Variants in RANBP17 observed in about 807,000 individuals in gnomAD.
RANBP17 encodes the protein RAN binding protein 17, also known as ran-binding protein 17.
In RANBP17, 158 loss-of-function variants were observed where a neutral mutation model predicts 141.2. That is an observed-to-expected ratio of 1.12 (90% CI 0.98 to 1.28). RANBP17 has a LOEUF of 1.28. Ranked by LOEUF, RANBP17 falls within the 50% of genes most tolerant of loss-of-function variation. The pLI, the probability that RANBP17 is intolerant of heterozygous loss-of-function variation, is 0.00. For synonymous variants in RANBP17, 430 were observed against 450.0 expected, an observed-to-expected ratio of 0.96 and a Z score of 0.56; for missense variants, 1,438 against 1,290.7, an observed-to-expected ratio of 1.11 and a Z score of -1.75.
At chr5:171,159,912 C>A (rs1446929160) in intron 14 of RANBP17, among the ~76,000 whole-genome samples, 10 of 101,654 alleles carry the variant, frequency 9.8e-5, no homozygotes, top group Non-Finnish European at 1.6e-4. Context: ...AGTGAGACTC[C>A]ATCTCAAAAA....
intron 14 of RANBP17, among the ~76,000 whole-genome samples, chr5:171,080,347 A>G (rs1785192882): frequency 6.6e-6 from 1 of 152,120 alleles, no homozygotes; most frequent in African/African-American, 2.4e-5. Flanking sequence ...ATAAAGGACA[A>G]AGTGCTCTGA....
At chr5:171,292,366 T>C (rs1310567754) in intron 25 of RANBP17, among the ~76,000 whole-genome samples, 1 of 152,262 alleles carries the variant, frequency 6.6e-6, no homozygotes, top group African/African-American at 2.4e-5. Context: ...TTTTACTCTT[T>C]GCAATGCATT....
At chr5:171,187,050 GTAACTCTTCCTTTCACGTGAA>G (rs1381938982) in intron 18 of RANBP17, among the ~76,000 whole-genome samples, 1 of 152,154 alleles carries the variant, frequency 6.6e-6, no homozygotes, top group Admixed American at 6.6e-5. Flanking sequence ...TGAGAGACGT[GTAACTCTTCCTTTCACGTGAA>G]TACTTGGAGG....
At chr5:170,917,601 T>C (rs1048026845) in intron 9 of RANBP17, among the ~76,000 whole-genome samples, 2 of 152,222 alleles carry the variant, frequency 1.3e-5, no homozygotes, top group African/African-American at 4.8e-5. Flanking sequence ...TGTTTTTGCA[T>C]ATTCTCAGAA....
At chr5:170,925,115 T>A (rs1772810902) in intron 12 of RANBP17, among the ~76,000 whole-genome samples, 1 of 152,188 alleles carries the variant, frequency 6.6e-6, no homozygotes, top group Admixed American at 6.5e-5. Flanking sequence ...TAAGATGCAC[T>A]ACAGGAATGG....
At chr5:171,027,565 A>G (rs1781303996) in intron 14 of RANBP17, among the ~76,000 whole-genome samples, 1 of 152,020 alleles carries the variant, frequency 6.6e-6, no homozygotes, top group Non-Finnish European at 1.5e-5. Context: ...GCTGTAAAGC[A>G]TTTGAACTAG....
At chr5:171,205,678 G>A (rs557711210) in intron 20 of RANBP17, 66 bp downstream of exon 20, 17 of 1,265,718 alleles carry the variant, frequency 1.3e-5, no homozygotes, top group East Asian at 4.6e-5. Context: ...CCTCGCTTTC[G>A]TTTAATAGTA....
chr5:170,959,995 A>G (rs1401996503), intron 13 of RANBP17, among the ~76,000 whole-genome samples: 1 of 152,214 alleles, frequency 6.6e-6, no homozygotes, highest in Non-Finnish European at 1.5e-5. Flanking sequence ...GTCTGTACTC[A>G]GATGTCTTTT....
At chr5:170,864,863 C>T (rs932216107) in intron 1 of RANBP17, among the ~76,000 whole-genome samples, 2 of 152,190 alleles carry the variant, frequency 1.3e-5, no homozygotes, top group Admixed American at 6.5e-5. Context: ...AATGACCATT[C>T]TGGCAGTGTG....
chr5:171,129,290 T>C (rs1454704399), intron 14 of RANBP17, among the ~76,000 whole-genome samples: 1 of 122,070 alleles, frequency 8.2e-6, no homozygotes, highest in Non-Finnish European at 1.8e-5. Context: ...AAACAATTTA[T>C]AGCAATTCTT....
chr5:170,865,724 C>G lies in RANBP17; in HGVS notation c.18+3673C>G, dbSNP rs533217028. On this transcript the variant is annotated intron_variant, in intron 1 of 27. Transcript: ENST00000523189. ...AGAGGGCAGAGTCCACAAGACTGCC[C>G]TTTCTTCTCAGACCAAGTGCAAGTT... 3.3e-5 allele frequency among the ~76,000 whole-genome samples: 5 copies of G among 152,290 alleles called. No homozygotes were observed. In the South Asian group the frequency reaches 8.3e-4, roughly 25 times the overall value.
intron 3 of RANBP17, among the ~76,000 whole-genome samples, chr5:170,891,884 G>C (rs1348645552): frequency 2.6e-5 from 4 of 152,150 alleles, no homozygotes; most frequent in Admixed American, 1.3e-4. Flanking sequence ...TTTTTTGGTA[G>C]ATAAAATCAT....
At chr5:170,900,832 G>A (rs1770575797) in intron 5 of RANBP17, among the ~76,000 whole-genome samples, 1 of 152,190 alleles carries the variant, frequency 6.6e-6, no homozygotes, top group Non-Finnish European at 1.5e-5. Context: ...TTTTGAGTGA[G>A]TTTCTTAATC....
At chr5:171,001,216 G>A in intron 14 of RANBP17, among the ~76,000 whole-genome samples, 1 of 152,094 alleles carries the variant, frequency 6.6e-6, no homozygotes, top group Admixed American at 6.6e-5. Context: ...GAAAGATTTT[G>A]GGGTAAGGGG....
intron 14 of RANBP17, among the ~76,000 whole-genome samples, chr5:171,089,544 G>A (rs991763699): frequency 3.9e-5 from 6 of 152,058 alleles, no homozygotes; most frequent in Non-Finnish European, 4.4e-5. Flanking sequence ...AATGGCGGGC[G>A]CCCCTCCCCC....
chr5:171,013,125 T>C (rs1780180388), intron 14 of RANBP17, among the ~76,000 whole-genome samples: 1 of 152,234 alleles, frequency 6.6e-6, no homozygotes, highest in Admixed American at 6.5e-5. Flanking sequence ...GCAATAATAC[T>C]GATGCACATT....
chr5:171,179,743 G>A (rs911007794), intron 16 of RANBP17, among the ~76,000 whole-genome samples: 5 of 151,866 alleles, frequency 3.3e-5, no homozygotes, highest in Non-Finnish European at 7.4e-5. Flanking sequence ...TTTCTTAGTA[G>A]TACATATTAT....
intron 14 of RANBP17, among the ~76,000 whole-genome samples, chr5:170,991,634 C>A (rs1178203586): frequency 1.3e-5 from 2 of 151,972 alleles, no homozygotes; most frequent in Non-Finnish European, 2.9e-5. Flanking sequence ...AACTAGCTCT[C>A]ACTACCCCTG....
intron 24 of RANBP17, among the ~76,000 whole-genome samples, chr5:171,244,008 C>T (rs1765051421): frequency 6.6e-6 from 1 of 152,028 alleles, no homozygotes; most frequent in Non-Finnish European, 1.5e-5. Flanking sequence ...CACCCAGATG[C>T]ACCCAGGAGG....
Sources: gnomAD v4.1 joint callset for allele counts (sites outside exome capture counted in the v4.1 genomes callset) on GRCh38, gnomAD v4.1.1 for gene constraint, MANE v1.5 for transcripts, NCBI Gene and HGNC (gene_info 2026-07-23, HGNC 2026-07-21) for gene names.